The following FRS2 variants were observed in gnomAD, a reference collection of about 807,000 sequenced individuals.
FRS2 encodes fibroblast growth factor receptor substrate 2, also known as FGFR signalling adaptor.
FRS2 carries 8 observed loss-of-function variants against 43.9 expected under a neutral mutation model. The observed-to-expected ratio is 0.18, with a 90% CI of 0.11 to 0.33. The LOEUF is 0.33. FRS2 is among the 10% of genes least tolerant of loss of function. The pLI, the probability that FRS2 is intolerant of heterozygous loss-of-function variation, is 1.00. For synonymous variants in FRS2, 219 were observed against 220.3 expected (o/e 0.99, Z 0.05); for missense variants, 534 against 627.6 (o/e 0.85, Z 1.59).
chr12:69,557,620 G>GTGTGTGTGTGTGTGTA (rs1555192515), intron 3 of FRS2, among the ~76,000 whole-genome samples: 5 of 57,078 alleles, frequency 8.8e-5, no homozygotes, highest in South Asian at 1.9e-3. Flanking sequence ...GTGTGTGTGT[G>GTGTGTGTGTGTGTGTA]CGCGCGCGCG....
At chr12:69,519,065 C>T (rs558611089) in intron 1 of FRS2, among the ~76,000 whole-genome samples, 3 of 150,650 alleles carry the variant, frequency 2.0e-5, no homozygotes, top group South Asian at 2.1e-4. Context: ...TGGATTATTG[C>T]GTAGAAAATA....
At chr12:69,517,195 C>T (rs475055) in intron 1 of FRS2, among the ~76,000 whole-genome samples, 14,211 of 152,228 alleles carry the variant, frequency 0.093, 874 homozygotes, top group Non-Finnish European at 0.14. Context: ...ACGTGGGTGG[C>T]TGAGATAGCA....
intron 1 of FRS2, among the ~76,000 whole-genome samples, chr12:69,478,730 G>A (rs1439651697): frequency 1.8e-4 from 10 of 54,726 alleles, no homozygotes; most frequent in East Asian, 1.1e-3. Flanking sequence ...CATTATGTGT[G>A]TGTGTGTGTG....
chr12:69,475,948 G>A (rs1565709876), intron 1 of FRS2, among the ~76,000 whole-genome samples: 1 of 152,048 alleles, frequency 6.6e-6, no homozygotes, highest in Non-Finnish European at 1.5e-5. Flanking sequence ...ATGAAATAGT[G>A]GTGATGGGTA....
intron 4 of FRS2, among the ~76,000 whole-genome samples, chr12:69,563,662 C>A (rs1350048623): frequency 6.6e-6 from 1 of 152,176 alleles, no homozygotes; most frequent in East Asian, 1.9e-4. Flanking sequence ...CTCATCTCAG[C>A]CTACTTAATA....
intron 1 of FRS2, among the ~76,000 whole-genome samples, chr12:69,494,079 T>TA (rs1206296356): frequency 2.0e-5 from 3 of 152,216 alleles, no homozygotes; most frequent in Non-Finnish European, 4.4e-5. Context: ...TATGTTTTCT[T>TA]ATATTTGGCA....
chr12:69,557,353 T>G (rs1355946428), intron 3 of FRS2, among the ~76,000 whole-genome samples: 1 of 152,186 alleles, frequency 6.6e-6, no homozygotes, highest in East Asian at 1.9e-4. Context: ...AATCTATTCA[T>G]TCAGATTTTC....
intron 1 of FRS2, among the ~76,000 whole-genome samples, chr12:69,511,054 T>G (rs889191214): frequency 2.6e-5 from 4 of 152,196 alleles, no homozygotes; most frequent in Non-Finnish European, 5.9e-5. Flanking sequence ...CTATAAGGTA[T>G]CCAACTCTTT....
intron 4 of FRS2, 90 bp from the exon 5 acceptor site, chr12:69,568,915 G>T: frequency 1.7e-6 from 1 of 581,676 alleles, no homozygotes; most frequent in Non-Finnish European, 3.0e-6. Flanking sequence ...TCAGAATAAT[G>T]TTTGTGTTAG....
At chr12:69,525,230 A>T (rs1408790195) in intron 1 of FRS2, among the ~76,000 whole-genome samples, 3 of 151,094 alleles carry the variant, frequency 2.0e-5, no homozygotes, top group Non-Finnish European at 4.4e-5. Flanking sequence ...ATTTTATGTC[A>T]TGGCCTAGAA....
chr12:69,511,155 G>T (rs1179936143), intron 1 of FRS2, among the ~76,000 whole-genome samples: 1 of 152,096 alleles, frequency 6.6e-6, no homozygotes, highest in Non-Finnish European at 1.5e-5. Context: ...CAGTAAATTT[G>T]ATATTTGGCA....
intron 1 of FRS2, among the ~76,000 whole-genome samples, chr12:69,485,882 CTA>C (rs1471155156): frequency 2.0e-5 from 3 of 152,282 alleles, no homozygotes; most frequent in East Asian, 3.9e-4. Flanking sequence ...TTAAGATCCT[CTA>C]TGTGATATAT....
At chr12:69,573,133 C>T (rs962051284) in intron 8 of FRS2, among the ~76,000 whole-genome samples, 8 of 152,102 alleles carry the variant, frequency 5.3e-5, no homozygotes, top group African/African-American at 1.7e-4. Flanking sequence ...GTGCCCGACC[C>T]TTGTAAATAT....
At chr12:69,547,296 A>T (rs897195546) in intron 3 of FRS2, among the ~76,000 whole-genome samples, 2 of 152,190 alleles carry the variant, frequency 1.3e-5, no homozygotes, top group Admixed American at 6.5e-5. Context: ...CCTCGCCTCT[A>T]CAAAACATTA....
Position 69,530,923 on chromosome 12 carries a change from A to G in FRS2, c.-202A>G, listed in dbSNP as rs747906448. 2.0e-5 allele frequency: 3 copies of G among 152,632 alleles called. No homozygotes were observed. Among genetic ancestry groups the G allele is most frequent in the Admixed American group, 1.3e-4 (2 of 15,286 alleles). 9.5% of individuals were successfully genotyped at this position (152,632 alleles called of 1,614,324 possible). On this transcript the variant is annotated 5_prime_UTR_variant, in exon 2 of 9. Coordinates refer to ENST00000549921, the MANE Select transcript of FRS2 (RefSeq NM_001278356.2). Reference sequence around the variant, plus strand: ...AAAGTGATGAAACAGTCCATTTGTCATAAAGTAAGATGCAGCTGTGGCATG... The same window carrying G: ...AAAGTGATGAAACAGTCCATTTGTCGTAAAGTAAGATGCAGCTGTGGCATG...
chr12:69,556,282 A>G (rs1879344091), intron 3 of FRS2, among the ~76,000 whole-genome samples: 2 of 152,130 alleles, frequency 1.3e-5, no homozygotes, highest in Admixed American at 1.3e-4. Context: ...AATTGTGCTT[A>G]TACATTTCTA....
chr12:69,571,442 C>G lies in FRS2; in HGVS notation c.412+8C>G. 6.2e-7 allele frequency: 1 copy of G among 1,602,390 alleles called. No individual in the cohort carries two copies. The highest frequency in any genetic ancestry group is 8.5e-7 in the Non-Finnish European group (1 of 1,172,090). ...CACCTCGAACACCTACAAGTAAGTA[C>G]CCCTTTTCCCTTTCACATTTTGAAT... On this transcript the variant is annotated splice_region_variant and intron_variant, in intron 7 of 8. Transcript: ENST00000549921.
At chr12:69,521,893 C>T (rs1212201776) in intron 1 of FRS2, among the ~76,000 whole-genome samples, 6 of 152,162 alleles carry the variant, frequency 3.9e-5, no homozygotes, top group African/African-American at 9.7e-5. Flanking sequence ...GGATTATAGG[C>T]GTGAGCCACC....
At chr12:69,568,221 C>T (rs1880454272) in intron 4 of FRS2, among the ~76,000 whole-genome samples, 1 of 152,150 alleles carries the variant, frequency 6.6e-6, no homozygotes, top group Non-Finnish European at 1.5e-5. Context: ...CTGTGTGTTA[C>T]TTTACTGCTT....
Sources: allele counts gnomAD v4.1 joint callset (sites outside exome capture counted in the v4.1 genomes callset), GRCh38; gene constraint gnomAD v4.1.1; transcripts MANE v1.5; gene names NCBI Gene and HGNC (gene_info 2026-07-23, HGNC 2026-07-21).